The following TACR3 variants were observed in gnomAD, a reference collection of about 807,000 sequenced individuals.
The protein encoded by TACR3 is neuromedin-K receptor.
TACR3 carries 34 observed loss-of-function variants against 35.0 expected under a neutral mutation model. The observed-to-expected ratio is 0.97, with a 90% CI of 0.74 to 1.30. The LOEUF (loss-of-function observed/expected upper bound fraction) is 1.30, where lower values mean the gene tolerates loss of function less well. Ranked by LOEUF, TACR3 falls within the 50% of genes most tolerant of loss-of-function variation. The pLI is 0.00. For synonymous variants in TACR3, 233 were observed against 221.1 expected, an observed-to-expected ratio of 1.05 and a Z score of -0.48; for missense variants, 558 against 591.7, an observed-to-expected ratio of 0.94 and a Z score of 0.59.
At chr4:103,691,037 T>G (rs1040469916) in intron 1 of TACR3, among the ~76,000 whole-genome samples, 2 of 152,194 alleles carry the variant, frequency 1.3e-5, no homozygotes, top group African/African-American at 4.8e-5. Flanking sequence ...CTGTTATGAA[T>G]ACAAAATGGT....
At chr4:103,607,866 C>G (rs1053926828) in intron 3 of TACR3, among the ~76,000 whole-genome samples, 1 of 152,086 alleles carries the variant, frequency 6.6e-6, no homozygotes, top group Non-Finnish European at 1.5e-5. Context: ...TGGTCAGAAA[C>G]ATCACTACAG....
intron 3 of TACR3, among the ~76,000 whole-genome samples, chr4:103,596,694 G>T (rs183364462): frequency 6.6e-6 from 1 of 152,138 alleles, no homozygotes; most frequent in Non-Finnish European, 1.5e-5. Context: ...ATGTTGGTCT[G>T]CTGCACCCAT....
intron 3 of TACR3, among the ~76,000 whole-genome samples, chr4:103,600,043 T>G (rs567009932): frequency 6.6e-6 from 1 of 151,776 alleles, no homozygotes; most frequent in African/African-American, 2.4e-5. Flanking sequence ...TCAGCTCCTC[T>G]TTGTAACTCT....
chr4:103,596,785 G>T (rs1474857509), intron 3 of TACR3, among the ~76,000 whole-genome samples: 1 of 151,370 alleles, frequency 6.6e-6, no homozygotes, highest in Non-Finnish European at 1.5e-5. Context: ...CCCAGTGTGT[G>T]ATGTTCCCCT....
chr4:103,599,898 A>C (rs1300615100), intron 3 of TACR3, among the ~76,000 whole-genome samples: 3 of 152,072 alleles, frequency 2.0e-5, no homozygotes, highest in Non-Finnish European at 4.4e-5. Context: ...TTCATCAAGG[A>C]TATTGGTCTA....
At chr4:103,637,632 A>G (rs1394578987) in intron 3 of TACR3, among the ~76,000 whole-genome samples, 1 of 152,174 alleles carries the variant, frequency 6.6e-6, no homozygotes, top group Non-Finnish European at 1.5e-5. Flanking sequence ...TCAGTTAGGA[A>G]AAGAGGAAGT....
chr4:103,592,603 T>C (rs1180763650), intron 3 of TACR3, among the ~76,000 whole-genome samples: 2 of 152,174 alleles, frequency 1.3e-5, no homozygotes, highest in Admixed American at 6.6e-5. Context: ...AATGTTCATA[T>C]CTCTTTTGGG....
At chr4:103,605,201 C>T (rs965526230) in intron 3 of TACR3, among the ~76,000 whole-genome samples, 3 of 142,562 alleles carry the variant, frequency 2.1e-5, no homozygotes, top group Non-Finnish European at 4.6e-5. Flanking sequence ...TGTATATGTG[C>T]CACAGTTTCT....
chr4:103,627,391 G>C (rs887859520), intron 3 of TACR3, among the ~76,000 whole-genome samples: 4 of 148,554 alleles, frequency 2.7e-5, no homozygotes, highest in African/African-American at 9.9e-5. Context: ...GGGCATGGTG[G>C]TGTGCACCTA....
intron 1 of TACR3, among the ~76,000 whole-genome samples, chr4:103,717,307 T>C (rs1023596581): frequency 6.6e-6 from 1 of 152,146 alleles, no homozygotes; most frequent in Non-Finnish European, 1.5e-5. Flanking sequence ...GTACTCGAAC[T>C]GAGTATGCTT....
At chr4:103,611,665 C>T (rs1724515746) in intron 3 of TACR3, among the ~76,000 whole-genome samples, 1 of 150,004 alleles carries the variant, frequency 6.7e-6, no homozygotes, top group Middle Eastern at 3.2e-3. Flanking sequence ...TTTTTTTTAA[C>T]ACAGACATGG....
chr4:103,593,676 C>G (rs1723942710), intron 3 of TACR3, among the ~76,000 whole-genome samples: 1 of 152,114 alleles, frequency 6.6e-6, no homozygotes. Flanking sequence ...ACCTAGAACA[C>G]TCTTCTAACC....
chr4:103,650,712 TA>T (rs1342312111), intron 3 of TACR3, among the ~76,000 whole-genome samples: 1 of 43,648 alleles, frequency 2.3e-5, no homozygotes, highest in African/African-American at 2.7e-4. Context: ...TATATATAAA[TA>T]TATATAAATA....
At chr4:103,629,097 T>C (rs538928486) in intron 3 of TACR3, among the ~76,000 whole-genome samples, 1 of 152,174 alleles carries the variant, frequency 6.6e-6, no homozygotes, top group Non-Finnish European at 1.5e-5. Flanking sequence ...CAGCCCTTCA[T>C]GCTAAAAACT....
chr4:103,699,452 C>G (rs1336188115), intron 1 of TACR3, among the ~76,000 whole-genome samples: 1 of 152,078 alleles, frequency 6.6e-6, no homozygotes, highest in Non-Finnish European at 1.5e-5. Flanking sequence ...AGTTTCTACC[C>G]TGAGAGAGCT....
chr4:103,712,970 A>T (rs1723004224), intron 1 of TACR3, among the ~76,000 whole-genome samples: 1 of 152,204 alleles, frequency 6.6e-6, no homozygotes, highest in South Asian at 2.1e-4. Flanking sequence ...AAAAGTCAGG[A>T]AACAACCAGT....
intron 3 of TACR3, among the ~76,000 whole-genome samples, chr4:103,607,699 C>T (rs11933835): frequency 0.016 from 2,489 of 151,910 alleles, 56 homozygotes; most frequent in African/African-American, 0.057. Context: ...TATTTAATGC[C>T]ATGGGAATGA....
intron 3 of TACR3, among the ~76,000 whole-genome samples, chr4:103,648,149 T>G (rs1035292736): frequency 1.3e-5 from 2 of 152,106 alleles, no homozygotes; most frequent in East Asian, 3.9e-4. Context: ...TCAATCAGCA[T>G]CTGCTAGCCT....
intron 1 of TACR3, among the ~76,000 whole-genome samples, chr4:103,668,442 T>C (rs1225945202): frequency 6.6e-6 from 1 of 152,212 alleles, no homozygotes; most frequent in Non-Finnish European, 1.5e-5. Context: ...AGCTGCTGAC[T>C]GATCAGGGTG....
Sources: allele counts gnomAD v4.1 joint callset (sites outside exome capture counted in the v4.1 genomes callset), GRCh38; gene constraint gnomAD v4.1.1; transcripts MANE v1.5; gene names NCBI Gene and HGNC (gene_info 2026-07-23, HGNC 2026-07-21).